SAMD5: variants seen among roughly 807,000 people sequenced by gnomAD.
SAMD5 encodes sterile alpha motif domain-containing protein 5.
In SAMD5, 13 loss-of-function variants were observed where a neutral mutation model predicts 11.3. The ratio of observed to expected loss-of-function variants is 1.15; its 90% CI spans 0.75 to 1.83. The LOEUF is 1.83. Ranked by LOEUF, SAMD5 falls within the 40% of genes most tolerant of loss-of-function variation. SAMD5 has a pLI of 0.00. For missense variants in SAMD5, 255 were observed against 239.1 expected (o/e 1.07, Z -0.44); for synonymous variants, 129 against 111.3 (o/e 1.16, Z -1.00).
chr6:147,559,627 C>A (rs539508316), intron 1 of SAMD5, among the ~76,000 whole-genome samples: 78 of 152,142 alleles, frequency 5.1e-4, no homozygotes, highest in African/African-American at 1.7e-3. Context: ...TAAGGACACA[C>A]CTCGGAGGAA....
the SAMD5 span, among the ~76,000 whole-genome samples, chr6:147,886,421 A>G: frequency 5.3e-5 from 8 of 152,166 alleles, no homozygotes; most frequent in Non-Finnish European, 1.2e-4. Context: ...TAAAGTTGCT[A>G]TGAAGAAGAG....
the SAMD5 span, among the ~76,000 whole-genome samples, chr6:147,744,921 A>ATAAATAAATAAATAAATAAATAAATAAG: frequency 8.2e-4 from 117 of 142,632 alleles, 1 homozygote; most frequent in African/African-American, 3.2e-3. Context: ...AAATAAATAA[A>ATAAATAAATAAATAAATAAATAAATAAG]TAAGTAAGTA....
chr6:147,624,436 C>T (rs535493764), intron 1 of SAMD5, among the ~76,000 whole-genome samples: 7 of 151,898 alleles, frequency 4.6e-5, no homozygotes, highest in Admixed American at 1.3e-4. Flanking sequence ...TAATTAAAAA[C>T]GTTACGTTTC....
intron 1 of SAMD5, among the ~76,000 whole-genome samples, chr6:147,552,571 A>G (rs545482338): frequency 6.6e-6 from 1 of 152,336 alleles, no homozygotes; most frequent in Admixed American, 6.5e-5. Flanking sequence ...ATAGTGTTTT[A>G]TATAAACACA....
chr6:147,784,648 A>T, the SAMD5 span, among the ~76,000 whole-genome samples: 1 of 152,212 alleles, frequency 6.6e-6, no homozygotes, highest in Non-Finnish European at 1.5e-5. Flanking sequence ...AGACAATACA[A>T]ATGGTGCTGT....
At chr6:147,646,014 GTATCTATCTATGTATCTA>G (rs1790392126) in intron 1 of SAMD5, among the ~76,000 whole-genome samples, 4 of 55,438 alleles carry the variant, frequency 7.2e-5, no homozygotes, top group East Asian at 1.0e-3. Flanking sequence ...GTCTGTCTAT[GTATCTATCTATGTATCTA>G]TCTATCTATC....
chr6:147,853,225 C>G, the SAMD5 span, among the ~76,000 whole-genome samples: 1 of 152,074 alleles, frequency 6.6e-6, no homozygotes, highest in Non-Finnish European at 1.5e-5. Flanking sequence ...TCCTCTAAGT[C>G]TCAGTAATTG....
intron 1 of SAMD5, among the ~76,000 whole-genome samples, chr6:147,642,294 A>G (rs1790324306): frequency 6.6e-6 from 1 of 152,142 alleles, no homozygotes; most frequent in Non-Finnish European, 1.5e-5. Flanking sequence ...GTCTTAGTGC[A>G]TTTAATTCTA....
chr6:147,540,247 A>G (rs972847209), intron 1 of SAMD5, among the ~76,000 whole-genome samples: 1 of 152,218 alleles, frequency 6.6e-6, no homozygotes, highest in South Asian at 2.1e-4. Flanking sequence ...CCGGAAGCCA[A>G]GAATAGAACC....
intron 1 of SAMD5, among the ~76,000 whole-genome samples, chr6:147,532,704 C>A (rs1441287568): frequency 6.6e-6 from 1 of 152,114 alleles, no homozygotes; most frequent in East Asian, 1.9e-4. Context: ...TAAGGAATCT[C>A]CATGCTGTTT....
intron 1 of SAMD5, among the ~76,000 whole-genome samples, chr6:147,641,836 G>A (rs762022557): frequency 6.6e-6 from 1 of 151,962 alleles, no homozygotes; most frequent in Non-Finnish European, 1.5e-5. Flanking sequence ...AAGTAATCTT[G>A]TTTGTTTCTT....
chr6:147,769,628 A>G, the SAMD5 span, among the ~76,000 whole-genome samples: 1 of 152,232 alleles, frequency 6.6e-6, no homozygotes, highest in Admixed American at 6.5e-5. Context: ...TTTCAGGTTT[A>G]TGTCAGTAAT....
chr6:147,536,150 A>AT (rs1310734140), intron 1 of SAMD5, among the ~76,000 whole-genome samples: 1 of 151,936 alleles, frequency 6.6e-6, no homozygotes, highest in Admixed American at 6.6e-5. Flanking sequence ...TGCCCAGCTG[A>AT]TTTTTTGTAT....
rs1789081403 is a variant in SAMD5, at chr6:147,568,583, A to G, written c.*4127A>G. ...TCAGACCAAGTACAAAGTATTAGGA[A>G]TTTTTTATATCAGCTGACATCTTGT... On this transcript the variant is annotated 3_prime_UTR_variant, in exon 2 of 2. Transcript: ENST00000367474. 3.0e-6 allele frequency: 3 copies of G among 985,298 alleles called. No individual in the cohort carries two copies. The highest frequency in any genetic ancestry group is 3.6e-6 in the Non-Finnish European group (3 of 829,922). The allele number at this position is 985,298 out of a possible 1,614,324, so 61.0% of individuals were successfully genotyped here.
the SAMD5 span, among the ~76,000 whole-genome samples, chr6:147,821,961 C>T: frequency 3.9e-5 from 6 of 152,068 alleles, no homozygotes; most frequent in African/African-American, 1.4e-4. Context: ...AATAGAAACA[C>T]ATTTTTTAAA....
the SAMD5 span, among the ~76,000 whole-genome samples, chr6:147,807,094 GTTTTGTT>G: frequency 6.6e-6 from 1 of 151,446 alleles, no homozygotes; most frequent in Non-Finnish European, 1.5e-5. Context: ...TTTTTGTTTT[GTTTTGTT>G]TTTTGTTTTT....
chr6:147,655,427 T>G (rs1400361455), intron 1 of SAMD5, among the ~76,000 whole-genome samples: 1 of 152,214 alleles, frequency 6.6e-6, no homozygotes, highest in African/African-American at 2.4e-5. Context: ...GAAACAATAT[T>G]TATGCATGTA....
At chr6:147,606,932 C>A (rs866226760) in intron 1 of SAMD5, among the ~76,000 whole-genome samples, 2 of 138,332 alleles carry the variant, frequency 1.4e-5, no homozygotes, top group African/African-American at 5.6e-5. Context: ...CTGTATTATC[C>A]AAAGTCATTC....
chr6:147,943,097 A>G, the SAMD5 span, among the ~76,000 whole-genome samples: 1 of 152,108 alleles, frequency 6.6e-6, no homozygotes, highest in African/African-American at 2.4e-5. Flanking sequence ...CTGGGATTAC[A>G]GGTGTGAGCC....
Sources: allele counts gnomAD v4.1 joint callset (sites outside exome capture counted in the v4.1 genomes callset), GRCh38; gene constraint gnomAD v4.1.1; transcripts MANE v1.5; gene names NCBI Gene and HGNC (gene_info 2026-07-23, HGNC 2026-07-21).